Variants in CENPN observed in about 807,000 individuals in gnomAD.
The protein encoded by CENPN is centromere protein N, also known as interphase centromere complex protein 32.
CENPN carries 36 observed loss-of-function variants against 48.6 expected under a neutral mutation model. The observed-to-expected ratio is 0.74, with a 90% confidence interval of 0.57 to 0.98. The LOEUF (loss-of-function observed/expected upper bound fraction) is 0.98, where lower values mean the gene tolerates loss of function less well. CENPN is among the 50% of genes least tolerant of loss of function. CENPN has a pLI of 0.00. For missense variants in CENPN, 439 were observed against 399.2 expected (o/e 1.10, Z -0.85); for synonymous variants, 166 against 135.2 (o/e 1.23, Z -1.58).
At chr16:81,026,065 A>ATGTGTGTGTG (rs1205146918) in intron 8 of CENPN, among the ~76,000 whole-genome samples, 166 of 51,448 alleles carry the variant, frequency 3.2e-3, no homozygotes, top group Middle Eastern at 0.031. Context: ...ATATATATAT[A>ATGTGTGTGTG]TATATGTGTG....
In CENPN at chr16:81,025,465, T is replaced by C. The variant is rs549747357; in HGVS notation, c.697+687T>C. Among the ~76,000 whole-genome samples the C allele has an allele frequency of 1.1e-4, 17 of 152,314 alleles. No individual in the cohort carries two copies. In the South Asian group the frequency reaches 3.1e-3, roughly 28 times the overall value. On this transcript the variant is annotated intron_variant, in intron 8 of 10. Transcript: ENST00000305850. ...TGCCACTGTTATAAACTAAACACTT[T>C]TATGATTTTCCAGTGTCATAGGAAC...
At chr16:81,015,460 G>A (rs1004729400) in intron 3 of CENPN, among the ~76,000 whole-genome samples, 3 of 152,220 alleles carry the variant, frequency 2.0e-5, no homozygotes, top group Admixed American at 1.3e-4. Context: ...TTAAATAAGA[G>A]TACATGTTAA....
chr16:81,026,479 G>T, intron 8 of CENPN, 47 bp from the exon 9 acceptor site: 1 of 891,392 alleles, frequency 1.1e-6, no homozygotes, highest in Non-Finnish European at 1.8e-6. Context: ...ATTTAAGGAT[G>T]AAATATATTC....
intron 1 of CENPN, among the ~76,000 whole-genome samples, chr16:81,009,733 G>C (rs920506395): frequency 6.6e-6 from 1 of 152,194 alleles, no homozygotes; most frequent in South Asian, 2.1e-4. Flanking sequence ...TCACAGCCAG[G>C]ACTCTTGTAG....
chr16:81,015,544 T>C (rs1050518296), intron 3 of CENPN, among the ~76,000 whole-genome samples: 1 of 152,282 alleles, frequency 6.6e-6, no homozygotes, highest in African/African-American at 2.4e-5. Flanking sequence ...ACAAAAATTA[T>C]CTTTATTAAT....
At chr16:81,028,130 T>G (rs200805588) in intron 9 of CENPN, 41 bp from the exon 10 acceptor site, 5 of 1,414,938 alleles carry the variant, frequency 3.5e-6, no homozygotes, top group Non-Finnish European at 5.0e-6. Flanking sequence ...TTCGTATTTA[T>G]ACAATATGTT....
At position 81,028,433 on chromosome 16, in the gene CENPN, TG is replaced by T. The variant is rs1047888363; in HGVS notation, c.938-135del. On this transcript the variant is annotated intron_variant, in intron 10 of 10. Transcript: ENST00000305850. ...CCATCCTGCTCTCTCTTGCATCTTC[TG>T]CTTCTGTACTTAATAGGGAGGAGGG... The T allele has an allele frequency of 3.7e-5, 54 of 1,471,786 alleles. No homozygotes were observed. The African/African-American group carries it at 6.1e-4, about 17-fold the overall frequency. 91.2% of individuals were successfully genotyped at this position (1,471,786 alleles called of 1,614,324 possible). A position where few individuals can be genotyped will look rare whatever the true frequency, so the allele number is the denominator to read the frequency against.
downstream of CENPN, chr16:81,031,520 T>C (rs1970777276): frequency 6.6e-6 from 1 of 152,196 alleles, no homozygotes; most frequent in Non-Finnish European, 1.5e-5. Context: ...TGGATGACAT[T>C]AAATGGTGTC....
chr16:81,032,771 A>C, downstream of CENPN: 10 of 1,422,050 alleles, frequency 7.0e-6, no homozygotes, highest in Non-Finnish European at 9.7e-6. Context: ...GCTAACTGCT[A>C]TAGACTAATG....
At chr16:81,019,413 C>G (rs971755787) in intron 5 of CENPN, among the ~76,000 whole-genome samples, 1 of 150,064 alleles carries the variant, frequency 6.7e-6, no homozygotes, top group South Asian at 2.1e-4. Context: ...TACTGAGTTT[C>G]ACTATGTTGT....
In CENPN at chr16:81,017,749, C is replaced by G; in HGVS notation, c.278-9C>G. ...TTGATTTTTCTTTATTTTTTTTTCA[C>G]TTTGGCAGGTGAAGATGTTGACCTT... On this transcript the variant is annotated splice_polypyrimidine_tract_variant and intron_variant, in intron 4 of 10. Coordinates refer to ENST00000305850, the MANE Select transcript of CENPN (RefSeq NM_001100624.3). The G allele has an allele frequency of 6.4e-7, 1 of 1,572,906 alleles. No individual in the cohort carries two copies. The highest frequency in any genetic ancestry group is 8.6e-7 in the Non-Finnish European group (1 of 1,160,152).
At chr16:81,032,774 G>A, downstream of CENPN, 1 of 1,396,938 alleles carries the variant, frequency 7.2e-7, no homozygotes, top group Non-Finnish European at 9.8e-7. Context: ...AACTGCTATA[G>A]ACTAATGCAG....
intron 6 of CENPN, among the ~76,000 whole-genome samples, chr16:81,021,339 T>C (rs1007519497): frequency 6.6e-6 from 1 of 152,180 alleles, no homozygotes; most frequent in African/African-American, 2.4e-5. Flanking sequence ...AAGTTAGTTC[T>C]CCCTAAATTG....
intron 7 of CENPN, 28 bp from the exon 8 acceptor site, chr16:81,024,687 A>G (rs1252434039): frequency 6.8e-6 from 10 of 1,462,468 alleles, no homozygotes; most frequent in Non-Finnish European, 9.5e-6. Flanking sequence ...TGTCAAGATT[A>G]GTAAAATATT....
chr16:81,014,259 G>C (rs1969852127), intron 3 of CENPN, 78 bp downstream of exon 3: 11 of 1,244,340 alleles, frequency 8.8e-6, no homozygotes, highest in South Asian at 1.2e-5. Flanking sequence ...TTGTGAGACA[G>C]GGTCTCCCTC....
chr16:81,026,886 G>T (rs925456696), intron 9 of CENPN, among the ~76,000 whole-genome samples: 1 of 152,090 alleles, frequency 6.6e-6, no homozygotes, highest in African/African-American at 2.4e-5. Context: ...TGCCTCCCAG[G>T]TTCAAGCAAT....
intron 10 of CENPN, 136 bp downstream of exon 10, chr16:81,028,433 T>A: frequency 1.4e-6 from 2 of 1,471,902 alleles, no homozygotes; most frequent in Non-Finnish European, 1.8e-6. Flanking sequence ...TTGCATCTTC[T>A]GCTTCTGTAC....
chr16:81,018,071 T>C (rs935941), intron 5 of CENPN, among the ~76,000 whole-genome samples: 147,027 of 152,252 alleles, frequency 0.97, 71,186 homozygotes, highest in Middle Eastern at 1. Flanking sequence ...CAACAGAGCT[T>C]TCTGCAGTGA....
At chr16:81,032,093 T>C (rs1970800572), downstream of CENPN, among the ~76,000 whole-genome samples, 1 of 152,172 alleles carries the variant, frequency 6.6e-6, no homozygotes, top group Non-Finnish European at 1.5e-5. Flanking sequence ...AACCTTGTCT[T>C]ATTCTTGCCT....
Sources: gnomAD v4.1 joint callset for allele counts (sites outside exome capture counted in the v4.1 genomes callset) on GRCh38, gnomAD v4.1.1 for gene constraint, MANE v1.5 for transcripts, NCBI Gene and HGNC (gene_info 2026-07-23, HGNC 2026-07-21) for gene names.